The following PPP4R3B variants were observed in gnomAD, a reference collection of about 807,000 sequenced individuals.
PPP4R3B encodes the protein serine/threonine-protein phosphatase 4 regulatory subunit 3B.
Under a neutral mutation model 95.4 loss-of-function variants are expected in PPP4R3B, and 52 were observed. The ratio of observed to expected loss-of-function variants is 0.54; its 90% CI spans 0.44 to 0.69. The LOEUF is 0.69. PPP4R3B is among the 30% of genes least tolerant of loss of function. The pLI is 0.00. For synonymous variants in PPP4R3B, 407 were observed against 343.9 expected (o/e 1.18, Z -2.03); for missense variants, 1,003 against 1,005.9 (o/e 1.00, Z 0.04).
chr2:55,578,696 A>C (rs1438175378), intron 9 of PPP4R3B, among the ~76,000 whole-genome samples: 1 of 152,062 alleles, frequency 6.6e-6, no homozygotes, highest in African/African-American at 2.4e-5. Flanking sequence ...ATGCACAAAC[A>C]TTCCCTAGAG....
At chr2:55,594,170 G>A (rs1051451799) in intron 4 of PPP4R3B, among the ~76,000 whole-genome samples, 4 of 152,102 alleles carry the variant, frequency 2.6e-5, no homozygotes, top group African/African-American at 7.2e-5. Flanking sequence ...GGAGAGGACT[G>A]AAGGTTTAAA....
chr2:55,585,004 A>G (rs1463006438), intron 7 of PPP4R3B, 47 bp downstream of exon 7: 2 of 1,298,904 alleles, frequency 1.5e-6, no homozygotes, highest in Non-Finnish European at 2.2e-6. Flanking sequence ...TGCAAACACT[A>G]CTCACTCTAC....
rs544609070 is a variant in PPP4R3B at position 55,613,513 on chromosome 2, T to C, written c.198+1938A>G. On this transcript the variant is annotated intron_variant, in intron 2 of 16. Transcript: ENST00000616407. The stretch of plus-strand genomic sequence containing the variant: ...TAAGTGTATACAAAAATGCTAATTA[T>C]CTAGAACTAATTTTCTAGTAGAGCA... Among the ~76,000 whole-genome samples the C allele has an allele frequency of 7.9e-5, 12 of 152,302 alleles. No homozygotes were observed. The South Asian group carries it at 2.5e-3, about 32-fold the overall frequency.
intron 3 of PPP4R3B, among the ~76,000 whole-genome samples, chr2:55,600,323 G>A (rs762567126): frequency 6.6e-6 from 1 of 150,750 alleles, no homozygotes; most frequent in South Asian, 2.1e-4. Context: ...CTACTCGAGA[G>A]GCTGAGGCAG....
chr2:55,586,697 G>A lies in PPP4R3B; in HGVS notation c.1037C>T (p.Thr346Ile). ...TGCATCCCTGTTTTGAGGTTGTAAT[G>A]TCTGAGAAAATGCACAAAACTCCTT... The part of the protein sequence containing the change: ...FFKEFCAFSQ[T>I]LQPQNRDAFF... The change falls in exon 6 of 17, where the codon ACA becomes ATA. Residue 346 changes from threonine (T) to isoleucine (I), a missense_variant. By Grantham distance (89) the Thr-to-Ile change is moderately conservative (BLOSUM62 -1). Around this residue, in one of 3 missense-constraint regions of PPP4R3B, gnomAD observed 695 missense variants for 686.2 expected, o/e 1.01. Transcript: ENST00000616407. 1 of 1,607,206 alleles carries A rather than the reference G, an allele frequency of 6.2e-7. No homozygotes were observed. Among genetic ancestry groups the A allele is most frequent in the Non-Finnish European group, 8.5e-7 (1 of 1,177,328 alleles).
At chr2:55,571,430 T>A (rs1163645253) in intron 12 of PPP4R3B, among the ~76,000 whole-genome samples, 1 of 152,016 alleles carries the variant, frequency 6.6e-6, no homozygotes, top group African/African-American at 2.4e-5. Flanking sequence ...ACATCAAACA[T>A]TCCAAAATTA....
chr2:55,562,507 T>G (rs1462283349), intron 15 of PPP4R3B, among the ~76,000 whole-genome samples: 1 of 152,202 alleles, frequency 6.6e-6, no homozygotes, highest in African/African-American at 2.4e-5. Flanking sequence ...AAGATATGCT[T>G]GCTTTCCTTT....
intron 16 of PPP4R3B, 71 bp downstream of exon 16, chr2:55,558,704 T>C (rs180760047): frequency 4.9e-5 from 60 of 1,234,448 alleles, no homozygotes; most frequent in Non-Finnish European, 6.4e-5. Context: ...TATCCAAATT[T>C]TTTTCAGTAA....
intron 10 of PPP4R3B, among the ~76,000 whole-genome samples, chr2:55,577,939 A>C (rs1688912301): frequency 6.6e-6 from 1 of 152,176 alleles, no homozygotes; most frequent in South Asian, 2.1e-4. Context: ...CATTATTTGT[A>C]ATAGCAAAAA....
In PPP4R3B at chr2:55,566,115, A is replaced by T. The variant is rs150974064; in HGVS notation, c.1936-1074T>A. Among the ~76,000 whole-genome samples, 9 of 152,340 alleles carry T rather than the reference A, an allele frequency of 5.9e-5. 1 individual carries two copies. The East Asian group carries it at 1.7e-3, about 29-fold the overall frequency. On this transcript the variant is annotated intron_variant, in intron 13 of 16. Transcript: ENST00000616407. ...TTAAAGTTGTGATTGAGGACTTTAC[A>T]GATAACACTACATAGTAAGAAACAC...
intron 1 of PPP4R3B, among the ~76,000 whole-genome samples, chr2:55,615,840 G>C (rs1694822126): frequency 9.9e-6 from 1 of 100,694 alleles, no homozygotes. Context: ...CCTGGCAACA[G>C]AGCAAGACTC....
At chr2:55,603,249 G>A (rs576808731) in intron 3 of PPP4R3B, among the ~76,000 whole-genome samples, 18 of 152,240 alleles carry the variant, frequency 1.2e-4, no homozygotes, top group African/African-American at 3.9e-4. Context: ...AACCGCGTCC[G>A]GATGGACAAA....
intron 16 of PPP4R3B, among the ~76,000 whole-genome samples, chr2:55,554,189 C>T (rs1034311871): frequency 2.0e-5 from 3 of 152,164 alleles, no homozygotes; most frequent in South Asian, 2.1e-4. Context: ...CTCAGCCTCC[C>T]GAATAGCTGG....
chr2:55,577,489 G>A, intron 10 of PPP4R3B, 133 bp from the exon 11 acceptor site: 1 of 970,528 alleles, frequency 1.0e-6, no homozygotes, highest in Non-Finnish European at 1.3e-6. Flanking sequence ...ATAAAGACTT[G>A]GTTGCTTCAG....
intron 4 of PPP4R3B, among the ~76,000 whole-genome samples, chr2:55,596,260 A>G (rs1691764260): frequency 6.6e-6 from 1 of 152,248 alleles, no homozygotes; most frequent in African/African-American, 2.4e-5. Flanking sequence ...TTTCAAGGTG[A>G]AAATAAAATA....
rs893417537 is a variant in PPP4R3B at position 55,585,244 on chromosome 2, C to G, written c.1117-77G>C. 10 of 1,037,828 alleles carry G rather than the reference C, an allele frequency of 9.6e-6. No homozygotes were observed. The African/African-American group carries it at 1.6e-4, about 17-fold the overall frequency. The allele number at this position is 1,037,828 out of a possible 1,614,324, so 64.3% of individuals were successfully genotyped here. The stretch of plus-strand genomic sequence containing the variant: ...CACATTTCTTTTTTCTTTTCCAAAT[C>G]CATACACTAGCTCTCAACTTTTTGG... On this transcript the variant is annotated intron_variant, in intron 6 of 16. Transcript: ENST00000616407.
At position 55,549,564 on chromosome 2, in the gene PPP4R3B, G is replaced by A. The variant is rs1159701407; in HGVS notation, c.*347C>T. On this transcript the variant is annotated 3_prime_UTR_variant, in exon 17 of 17. Coordinates refer to ENST00000616407, the MANE Select transcript of PPP4R3B (RefSeq NM_001122964.3). The stretch of plus-strand genomic sequence containing the variant: ...AGTTCTGTAAAATTGTTTCTAGATC[G>A]ACACCCCGAGGAGCAACCCTGCATT... 3 of 189,914 alleles carry A rather than the reference G, an allele frequency of 1.6e-5. No homozygotes were observed. The highest frequency in any genetic ancestry group is 1.3e-4 in the South Asian group (1 of 7,484). 11.8% of individuals were successfully genotyped at this position (189,914 alleles called of 1,614,324 possible).
At chr2:55,596,719 T>C (rs1559027778) in intron 4 of PPP4R3B, among the ~76,000 whole-genome samples, 1 of 152,214 alleles carries the variant, frequency 6.6e-6, no homozygotes, top group Non-Finnish European at 1.5e-5. Context: ...TCCCAGCACT[T>C]TGGGAGGCCA....
At chr2:55,606,814 C>CT (rs1195722945) in intron 2 of PPP4R3B, among the ~76,000 whole-genome samples, 1 of 117,514 alleles carries the variant, frequency 8.5e-6, no homozygotes, top group Non-Finnish European at 1.7e-5. Flanking sequence ...AAAAGTGAGA[C>CT]TTTGCCTCAA....
Sources: gnomAD v4.1 joint callset for allele counts (sites outside exome capture counted in the v4.1 genomes callset) on GRCh38, gnomAD v4.1.1 for gene constraint, gnomAD v4.1.1 regional missense constraint, MANE v1.5 for transcripts, NCBI Gene and HGNC (gene_info 2026-07-23, HGNC 2026-07-21) for gene names.